Variants in SVOPL observed in about 807,000 individuals in gnomAD.
The protein encoded by SVOPL is putative transporter SVOPL.
In SVOPL, 60 loss-of-function variants were observed where a neutral mutation model predicts 61.0. The ratio of observed to expected loss-of-function variants is 0.98; its 90% CI spans 0.80 to 1.22. The LOEUF (loss-of-function observed/expected upper bound fraction) is 1.22. SVOPL is among the 50% of genes most tolerant of loss of function. The probability of loss-of-function intolerance (pLI) is 0.00; values close to 1 mark genes in which losing one functional copy is unlikely to be tolerated. For synonymous variants in SVOPL, 279 were observed against 250.0 expected, an observed-to-expected ratio of 1.12 and a Z score of -1.09; for missense variants, 662 against 643.9, an observed-to-expected ratio of 1.03 and a Z score of -0.30.
intron 8 of SVOPL, among the ~76,000 whole-genome samples, chr7:138,646,756 C>T (rs535464212): frequency 6.6e-6 from 1 of 152,116 alleles, no homozygotes; most frequent in African/African-American, 2.4e-5. Flanking sequence ...TGGGCTCAAG[C>T]GATCCTCCTG....
intron 7 of SVOPL, among the ~76,000 whole-genome samples, chr7:138,654,254 C>T (rs1482879485): frequency 1.3e-5 from 2 of 151,956 alleles, no homozygotes; most frequent in Admixed American, 6.6e-5. Flanking sequence ...CTGTACATTT[C>T]AAAATAGCTA....
At chr7:138,611,894 G>C (rs1178725875) in intron 14 of SVOPL, among the ~76,000 whole-genome samples, 1 of 66,408 alleles carries the variant, frequency 1.5e-5, no homozygotes, top group Non-Finnish European at 3.0e-5. Context: ...TCTGGGAGGT[G>C]TGCCCAACAG....
chr7:138,616,759 TA>T (rs1301557899), intron 14 of SVOPL, among the ~76,000 whole-genome samples: 1 of 152,210 alleles, frequency 6.6e-6, no homozygotes, highest in African/African-American at 2.4e-5. Context: ...AAAATGTTCT[TA>T]AAGTTTTTCA....
At chr7:138,664,235 G>A (rs1244734483) in intron 4 of SVOPL, 8 of 956,764 alleles carry the variant, frequency 8.4e-6, no homozygotes, top group African/African-American at 2.1e-5. Context: ...CCTCCCTCGC[G>A]CGCCCCACCT....
chr7:138,639,548 A>G (rs188733161), intron 9 of SVOPL, among the ~76,000 whole-genome samples: 3 of 151,810 alleles, frequency 2.0e-5, no homozygotes, highest in South Asian at 4.2e-4. Context: ...AATCGCTTGA[A>G]CCTGGGAGGC....
In SVOPL at chr7:138,644,697, C is replaced by T. The variant is rs1314169412; in HGVS notation, c.789+20G>A. 1 of 1,612,658 alleles carries T rather than the reference C, an allele frequency of 6.2e-7. No homozygotes were observed. The highest frequency in any genetic ancestry group is 1.3e-5 in the African/African-American group (1 of 75,004). On this transcript the variant is annotated intron_variant, in intron 9 of 15. Transcript: ENST00000674285. ...AGTGGCCACTGGTGATAGGAGAAGA[C>T]CTCGGGGGCCAGCACTCACCAGGAC...
At chr7:138,627,625 C>T (rs976042227) in intron 11 of SVOPL, among the ~76,000 whole-genome samples, 164 bp from the exon 12 acceptor site, 2 of 152,174 alleles carry the variant, frequency 1.3e-5, no homozygotes, top group Non-Finnish European at 2.9e-5. Flanking sequence ...AATTTCAAGA[C>T]TTTTTACATA....
intron 12 of SVOPL, among the ~76,000 whole-genome samples, 170 bp downstream of exon 12, chr7:138,627,180 G>A (rs760983435): frequency 6.6e-6 from 1 of 152,090 alleles, no homozygotes; most frequent in Non-Finnish European, 1.5e-5. Flanking sequence ...GTAGGAAGAG[G>A]GAAGCGGGGA....
chr7:138,621,220 G>A lies in SVOPL; in HGVS notation c.1264-85C>T, dbSNP rs1799552267. 2.7e-6 allele frequency: 3 copies of A among 1,105,318 alleles called. No homozygotes were observed. The East Asian group carries it at 7.9e-5, about 29-fold the overall frequency. 68.5% of individuals were successfully genotyped at this position (1,105,318 alleles called of 1,614,324 possible). On this transcript the variant is annotated intron_variant, in intron 13 of 15. Transcript: ENST00000674285. Reference sequence around the variant, plus strand: ...CTCTTCCCCTTCCTCCCCAGGTCAGGTTTTGGAATGCATAGAGCACCAAAC... The same window carrying A: ...CTCTTCCCCTTCCTCCCCAGGTCAGATTTTGGAATGCATAGAGCACCAAAC...
intron 4 of SVOPL, among the ~76,000 whole-genome samples, chr7:138,668,916 A>G (rs949069878): frequency 6.6e-5 from 10 of 152,100 alleles, no homozygotes; most frequent in Admixed American, 3.9e-4. Flanking sequence ...CCATCAGTCT[A>G]CCTACCTCCC....
intron 14 of SVOPL, among the ~76,000 whole-genome samples, chr7:138,607,809 CATCAAGGGAT>C (rs1798822737): frequency 1.3e-5 from 2 of 152,158 alleles, no homozygotes; most frequent in African/African-American, 4.8e-5. Flanking sequence ...AAGCATTCAG[CATCAAGGGAT>C]AAATAGAAAT....
intron 5 of SVOPL, chr7:138,660,278 G>C: frequency 8.0e-6 from 9 of 1,131,160 alleles, no homozygotes; most frequent in Non-Finnish European, 9.8e-6. Context: ...GCAAAAACGT[G>C]TCCTCCCTAC....
intron 14 of SVOPL, among the ~76,000 whole-genome samples, chr7:138,599,748 C>T (rs796551079): frequency 1.2e-4 from 19 of 152,124 alleles, no homozygotes; most frequent in African/African-American, 3.4e-4. Flanking sequence ...ATTAGCAGGG[C>T]GTGGTGGTGT....
intron 14 of SVOPL, among the ~76,000 whole-genome samples, chr7:138,611,117 C>T (rs1309626223): frequency 6.6e-6 from 1 of 152,218 alleles, no homozygotes; most frequent in Non-Finnish European, 1.5e-5. Context: ...TGGCTCACGC[C>T]TGTAATCCCA....
At chr7:138,616,018 A>G (rs1799284663) in intron 14 of SVOPL, among the ~76,000 whole-genome samples, 1 of 152,092 alleles carries the variant, frequency 6.6e-6, no homozygotes, top group Admixed American at 6.6e-5. Flanking sequence ...AGAGACCAGA[A>G]AAAACTCTTT....
chr7:138,636,476 C>CTTTT (rs1033199816), intron 9 of SVOPL, among the ~76,000 whole-genome samples: 2 of 147,164 alleles, frequency 1.4e-5, no homozygotes, highest in African/African-American at 5.1e-5. Context: ...TAGGATTTTT[C>CTTTT]TTTTTTTTTT....
intron 1 of SVOPL, among the ~76,000 whole-genome samples, chr7:138,686,565 T>G (rs1370761859): frequency 1.3e-5 from 1 of 75,400 alleles, no homozygotes; most frequent in Non-Finnish European, 2.5e-5. Flanking sequence ...TTTTTGGGTT[T>G]TTTTTTTTTT....
chr7:138,608,506 T>C (rs577343979), intron 14 of SVOPL, among the ~76,000 whole-genome samples: 14 of 152,116 alleles, frequency 9.2e-5, no homozygotes, highest in African/African-American at 2.2e-4. Flanking sequence ...CTGGGGGAAA[T>C]TGTACAGCTG....
At chr7:138,665,354 C>A (rs762000448) in intron 4 of SVOPL, among the ~76,000 whole-genome samples, 1 of 151,324 alleles carries the variant, frequency 6.6e-6, no homozygotes, top group Non-Finnish European at 1.5e-5. Context: ...CTGGCCCTTC[C>A]GTTTAGCACA....
Sources: gnomAD v4.1 joint callset for allele counts (sites outside exome capture counted in the v4.1 genomes callset) on GRCh38, gnomAD v4.1.1 for gene constraint, MANE v1.5 for transcripts, NCBI Gene and HGNC (gene_info 2026-07-23, HGNC 2026-07-21) for gene names.